Variants in GABPB1 observed in about 807,000 individuals in gnomAD.
GABPB1 encodes GA binding protein transcription factor subunit beta 1, also known as GA-binding protein subunit beta-1.
Under a neutral mutation model 45.9 loss-of-function variants are expected in GABPB1, and 15 were observed. That is an observed-to-expected ratio of 0.33 (90% CI 0.22 to 0.50). The LOEUF (loss-of-function observed/expected upper bound fraction) is 0.50, where lower values mean the gene tolerates loss of function less well. Among genes scored for constraint, GABPB1 ranks in the 20% least tolerant of loss-of-function variants. The probability of loss-of-function intolerance (pLI) is 0.98; values close to 1 mark genes in which losing one functional copy is unlikely to be tolerated. For synonymous variants in GABPB1, 143 were observed against 154.4 expected (o/e 0.93, Z 0.55); for missense variants, 252 against 457.5 (o/e 0.55, Z 4.10).
chr15:50,323,885 CATAA>C (rs972236083), intron 1 of GABPB1, among the ~76,000 whole-genome samples: 7 of 152,042 alleles, frequency 4.6e-5, no homozygotes, highest in East Asian at 3.9e-4. Flanking sequence ...TTAATTAATT[CATAA>C]ATAAATAAAT....
intron 1 of GABPB1, among the ~76,000 whole-genome samples, chr15:50,336,518 A>T (rs35013067): frequency 0.18 from 27,139 of 150,718 alleles, 2,570 homozygotes; most frequent in Middle Eastern, 0.23. Flanking sequence ...AAAAAAATTT[A>T]AAAAAATTTT....
Position 50,304,031 on chromosome 15 carries a change from C to A in GABPB1, c.211G>T (p.Asp71Tyr). The A allele has an allele frequency of 6.2e-7, 1 of 1,613,588 alleles. No homozygotes were observed. Among genetic ancestry groups the A allele is most frequent in the Non-Finnish European group, 8.5e-7 (1 of 1,179,786 alleles). ...GCTGCCATATGTAATGGTGTTCGGTCCACTTTGGTTCTGGCATCTCTGCTC... is the reference window on the plus strand; with the variant it reads ...GCTGCCATATGTAATGGTGTTCGGTACACTTTGGTTCTGGCATCTCTGCTC... Reference protein sequence around the residue: ...GVSRDARTKVDRTPLHMAASE... With the variant: ...GVSRDARTKVYRTPLHMAASE... Residue 71 changes from aspartate to tyrosine, a missense_variant, in exon 3 of 9, where the codon GAC (aspartate) becomes TAC (tyrosine). This residue lies in a region of GABPB1 where 35 missense variants were observed against 143.7 expected (regional missense o/e 0.24). Transcript: ENST00000380877.
intron 1 of GABPB1, chr15:50,347,434 A>G (rs2048633702): frequency 6.6e-6 from 1 of 152,106 alleles, no homozygotes; most frequent in African/African-American, 2.4e-5. Flanking sequence ...TAAATATGGA[A>G]CACATCATAA....
In GABPB1 at chr15:50,286,531, T is replaced by G. The variant is rs186255365; in HGVS notation, c.884-348A>C. Among the ~76,000 whole-genome samples, 1,039 of 152,266 alleles carry G rather than the reference T, an allele frequency of 6.8e-3. 8 individuals carry two copies. The highest frequency in any genetic ancestry group is 0.011 in the Admixed American group (162 of 15,294). ...GATCATTTTATTAATTTATTATGTA[T>G]TATCCTTATATTAATTTGTTTAAAA... On this transcript the variant is annotated intron_variant, in intron 7 of 8. Coordinates refer to ENST00000380877, the MANE Select transcript of GABPB1 (RefSeq NM_016654.5).
chr15:50,279,067 T>G (rs2045897572), intron 8 of GABPB1, among the ~76,000 whole-genome samples: 2 of 152,216 alleles, frequency 1.3e-5, no homozygotes, highest in Admixed American at 1.3e-4. Context: ...GCACCTGTAC[T>G]TTTATATGTA....
At position 50,337,242 on chromosome 15, in the gene GABPB1, A is replaced by T. The variant is rs12910797; in HGVS notation, c.-1+17743T>A. On this transcript the variant is annotated intron_variant, in intron 1 of 8. Transcript: ENST00000380877. ...GTAGCAAGAAGGACAGTGGCTAAAG[A>T]GGTAAGCACACGTTGGAGGTGACAG... Among the ~76,000 whole-genome samples, 225 of 150,962 alleles carry T rather than the reference A, an allele frequency of 1.5e-3. 1 individual carries two copies. Among genetic ancestry groups the T allele is most frequent in the African/African-American group, 5.4e-3 (221 of 41,278 alleles).
chr15:50,298,155 G>A (rs968066511), intron 6 of GABPB1, among the ~76,000 whole-genome samples: 7 of 152,190 alleles, frequency 4.6e-5, no homozygotes, highest in South Asian at 4.1e-4. Flanking sequence ...ATAGTGGCGC[G>A]ATCACAGCTC....
intron 8 of GABPB1, among the ~76,000 whole-genome samples, chr15:50,282,560 G>GAAAAAAAAAAAAA (rs552203074): frequency 0.012 from 1,028 of 88,922 alleles, 189 homozygotes; most frequent in Non-Finnish European, 0.02. Context: ...CCTTAAAAAA[G>GAAAAAAAAAAAAA]AAAAAAAAAA....
chr15:50,277,701 T>G lies in GABPB1; in HGVS notation c.*931A>C, dbSNP rs1232415108. On this transcript the variant is annotated 3_prime_UTR_variant, in exon 9 of 9. Transcript: ENST00000380877. ...TTCAGAAACCCATATGCATTGGGTT[T>G]TCCAAAAACATTATCTTAAAATCAG... The G allele has an allele frequency of 6.6e-6, 1 of 152,656 alleles. No individual in the cohort carries two copies. The highest frequency in any genetic ancestry group is 1.5e-5 in the Non-Finnish European group (1 of 68,044). 9.5% of individuals were successfully genotyped at this position (152,656 alleles called of 1,614,324 possible). A position where few individuals can be genotyped will look rare whatever the true frequency, so the allele number is the denominator to read the frequency against.
intron 1 of GABPB1, among the ~76,000 whole-genome samples, chr15:50,333,902 C>G (rs1448819639): frequency 2.0e-5 from 3 of 151,860 alleles, no homozygotes; most frequent in Non-Finnish European, 4.4e-5. Flanking sequence ...TGGTGGTGGG[C>G]ACCTGTAATC....
chr15:50,340,542 A>G (rs1035509552), intron 1 of GABPB1, among the ~76,000 whole-genome samples: 1 of 77,476 alleles, frequency 1.3e-5, no homozygotes, highest in Non-Finnish European at 2.5e-5. Context: ...TATTTCTATA[A>G]TCACCAAAAA....
At chr15:50,298,379 C>T (rs1258458480) in intron 6 of GABPB1, among the ~76,000 whole-genome samples, 3 of 152,182 alleles carry the variant, frequency 2.0e-5, no homozygotes, top group Admixed American at 6.6e-5. Flanking sequence ...AGCCACCACA[C>T]CCGGCCAGAG....
intron 1 of GABPB1, chr15:50,354,162 C>G: frequency 3.1e-6 from 1 of 319,612 alleles, no homozygotes; most frequent in Non-Finnish European, 6.1e-6. Flanking sequence ...CCGAAACACA[C>G]TAAACACACA....
intron 2 of GABPB1, among the ~76,000 whole-genome samples, chr15:50,304,726 A>G (rs1261779103): frequency 6.6e-6 from 1 of 152,136 alleles, no homozygotes; most frequent in African/African-American, 2.4e-5. Flanking sequence ...AAAAAAAAAA[A>G]AAAAGAAATC....
intron 1 of GABPB1, among the ~76,000 whole-genome samples, chr15:50,333,401 A>G (rs1465345819): frequency 6.6e-6 from 1 of 152,184 alleles, no homozygotes; most frequent in Non-Finnish European, 1.5e-5. Flanking sequence ...CATTATCATT[A>G]TATTATCACA....
chr15:50,317,511 T>C (rs905273198), intron 1 of GABPB1, among the ~76,000 whole-genome samples: 1 of 152,054 alleles, frequency 6.6e-6, no homozygotes, highest in Admixed American at 6.5e-5. Flanking sequence ...TTTTAATTTT[T>C]TTATAGCAAG....
intron 2 of GABPB1, 30 bp downstream of exon 2, chr15:50,309,661 A>G: frequency 7.6e-7 from 1 of 1,311,456 alleles, no homozygotes; most frequent in Non-Finnish European, 1.1e-6. Flanking sequence ...AGAAGGAAAA[A>G]GAACACACAA....
intron 1 of GABPB1, among the ~76,000 whole-genome samples, chr15:50,329,843 C>A (rs994465368): frequency 6.6e-6 from 1 of 151,876 alleles, no homozygotes; most frequent in Non-Finnish European, 1.5e-5. Context: ...TTAAGTGTTT[C>A]TCTTTGCAAC....
chr15:50,344,375 T>C (rs973547892), intron 1 of GABPB1, among the ~76,000 whole-genome samples: 3 of 152,190 alleles, frequency 2.0e-5, no homozygotes, highest in African/African-American at 7.2e-5. Flanking sequence ...GAATAGACAG[T>C]GCAAAGGTCA....
Sources: allele counts gnomAD v4.1 joint callset (sites outside exome capture counted in the v4.1 genomes callset), GRCh38; gene constraint gnomAD v4.1.1; regional missense constraint gnomAD v4.1.1; transcripts MANE v1.5; gene names NCBI Gene and HGNC (gene_info 2026-07-23, HGNC 2026-07-21).